AQR: variants seen among roughly 807,000 people sequenced by gnomAD.
AQR encodes RNA helicase aquarius.
In AQR, 61 loss-of-function variants were observed where a neutral mutation model predicts 180.5. The observed-to-expected ratio is 0.34, with a 90% CI of 0.28 to 0.42. The LOEUF (loss-of-function observed/expected upper bound fraction) is 0.42, where lower values mean the gene tolerates loss of function less well. Among genes scored for constraint, AQR ranks in the 10% least tolerant of loss-of-function variants. The pLI is 1.00. For synonymous variants in AQR, 551 were observed against 588.8 expected (o/e 0.94, Z 0.93); for missense variants, 1,281 against 1,798.3 (o/e 0.71, Z 5.20).
At chr15:34,871,338 C>G (rs1892813596) in intron 30 of AQR, among the ~76,000 whole-genome samples, 1 of 151,936 alleles carries the variant, frequency 6.6e-6, no homozygotes, top group Admixed American at 6.6e-5. Context: ...GAAACCCTGT[C>G]TCTACTAAAA....
intron 26 of AQR, among the ~76,000 whole-genome samples, chr15:34,883,371 T>C (rs1329573498): frequency 3.3e-5 from 5 of 152,206 alleles, no homozygotes; most frequent in Non-Finnish European, 7.3e-5. Flanking sequence ...ATTTGTTTTT[T>C]AAATAATTAA....
intron 30 of AQR, among the ~76,000 whole-genome samples, chr15:34,871,618 A>G (rs1489518351): frequency 1.3e-5 from 2 of 152,184 alleles, no homozygotes; most frequent in East Asian, 3.8e-4. Context: ...CCAGTTTAAT[A>G]GCAAATACAC....
chr15:34,931,930 C>A (rs571994502), intron 11 of AQR, among the ~76,000 whole-genome samples: 4 of 152,336 alleles, frequency 2.6e-5, no homozygotes, highest in Non-Finnish European at 5.9e-5. Flanking sequence ...TTGCAGCTTC[C>A]TTATTCAAGG....
In AQR at chr15:34,855,203, T is replaced by A. The variant is rs1892572539; in HGVS notation, c.*1589A>T. The A allele has an allele frequency of 6.6e-6, 1 of 152,270 alleles. No homozygotes were observed. Among genetic ancestry groups the A allele is most frequent in the Non-Finnish European group, 1.5e-5 (1 of 68,052 alleles). The allele number at this position is 152,270 out of a possible 1,614,324, so 9.4% of individuals were successfully genotyped here. A position where few individuals can be genotyped will look rare whatever the true frequency, so the allele number is the denominator to read the frequency against. On this transcript the variant is annotated 3_prime_UTR_variant, in exon 35 of 35. Transcript: ENST00000156471. ...TAGGATACATCATAAAATGAGAGTC[T>A]GTACCATATTCAACACAGCCTGGTA... is the stretch of plus-strand genomic sequence containing the variant.
chr15:34,906,815 A>G lies in AQR; in HGVS notation c.1664-103T>C, dbSNP rs964734552. ...TCTCTACCTCTTATCTTTGGTAGAG[A>G]GATACCGTTGAGTGACCAATGATTA... On this transcript the variant is annotated intron_variant, in intron 17 of 34. Transcript: ENST00000156471. 8 of 1,142,708 alleles carry G rather than the reference A, an allele frequency of 7.0e-6. No homozygotes were observed. The African/African-American group carries it at 1.3e-4, about 18-fold the overall frequency. 70.8% of individuals were successfully genotyped at this position (1,142,708 alleles called of 1,614,324 possible).
intron 14 of AQR, among the ~76,000 whole-genome samples, chr15:34,919,808 GA>G (rs1166838892): frequency 6.6e-6 from 1 of 152,048 alleles, no homozygotes; most frequent in Admixed American, 6.6e-5. Context: ...TGAGGCACGA[GA>G]ATCACTTGAA....
intron 27 of AQR, among the ~76,000 whole-genome samples, chr15:34,876,563 C>T (rs1246875019): frequency 6.6e-6 from 1 of 152,064 alleles, no homozygotes; most frequent in Non-Finnish European, 1.5e-5. Context: ...TCTAAAAATC[C>T]AAGCCACCAC....
Position 34,915,121 on chromosome 15 carries a change from T to C in AQR, c.1401A>G (p.Leu467=), listed in dbSNP as rs1185919296. ...LQFLTLHDYL[L]RNFNLFRLES... ...CTAAGCGGAAGAGGTTAAAGTTCCT[T>C]AGCAGGTAGTCATGAAGAGTCAAAA... is the stretch of plus-strand genomic sequence containing the variant. The change falls in exon 16 of 35, where the codon CTA becomes CTG. Residue 467 remains leucine, a synonymous_variant. Coordinates refer to ENST00000156471, the MANE Select transcript of AQR (RefSeq NM_014691.3). The C allele has an allele frequency of 6.2e-7, 1 of 1,613,206 alleles. No homozygotes were observed. Among genetic ancestry groups the C allele is most frequent in the African/African-American group, 1.3e-5 (1 of 74,860 alleles).
At chr15:34,890,189 A>G in intron 24 of AQR, 26 bp downstream of exon 24, 2 of 1,553,098 alleles carry the variant, frequency 1.3e-6, no homozygotes, top group African/African-American at 1.4e-5. Context: ...CCTTTTTTAC[A>G]CTGTTACTCA....
At position 34,893,584 on chromosome 15, in the gene AQR, T is replaced by C. The variant is rs1266637010; in HGVS notation, c.2571+79A>G. The C allele has an allele frequency of 1.8e-5, 22 of 1,255,452 alleles. No homozygotes were observed. In the African/African-American group the frequency reaches 2.8e-4, roughly 16 times the overall value. The allele number at this position is 1,255,452 out of a possible 1,614,324, so 77.8% of individuals were successfully genotyped here. On this transcript the variant is annotated intron_variant, in intron 23 of 34. Transcript: ENST00000156471. ...CCTCCCCCTCAACCCCTAACCTGCA[T>C]ACCCATGTGCATGCGCATGCGTGCA...
chr15:34,929,528 G>T (rs1358703486), intron 12 of AQR, among the ~76,000 whole-genome samples: 1 of 152,138 alleles, frequency 6.6e-6, no homozygotes, highest in Admixed American at 6.5e-5. Flanking sequence ...TGACGTCTCT[G>T]TTCTGCTCCA....
At chr15:34,964,468 A>T (rs1464352897) in intron 1 of AQR, 178 bp from the exon 2 acceptor site, 1 of 694,130 alleles carries the variant, frequency 1.4e-6, no homozygotes, top group African/African-American at 1.8e-5. Context: ...ACCCCAAACC[A>T]CTAAATGCCA....
intron 17 of AQR, among the ~76,000 whole-genome samples, chr15:34,908,430 C>G (rs987615376): frequency 1.3e-5 from 2 of 150,866 alleles, no homozygotes; most frequent in African/African-American, 4.9e-5. Context: ...AGTGAGACTC[C>G]GTCTAAAAAA....
chr15:34,908,920 A>T (rs1328293415), intron 17 of AQR, among the ~76,000 whole-genome samples: 1 of 152,244 alleles, frequency 6.6e-6, no homozygotes. Flanking sequence ...AATAAATATG[A>T]GACCTTCTCC....
At chr15:34,893,607 G>GCACGCGCA (rs1555423808) in intron 23 of AQR, 56 bp downstream of exon 23, 99 of 999,544 alleles carry the variant, frequency 9.9e-5, no homozygotes, top group African/African-American at 7.6e-4. Flanking sequence ...GCGCATGCGT[G>GCACGCGCA]CACACACACA....
chr15:34,912,579 T>C (rs1367569468), intron 16 of AQR, among the ~76,000 whole-genome samples: 2 of 151,854 alleles, frequency 1.3e-5, no homozygotes, highest in African/African-American at 4.8e-5. Context: ...ACAAAGAATA[T>C]CTATGTAAAA....
chr15:34,917,051 C>T (rs979271321), intron 15 of AQR, among the ~76,000 whole-genome samples: 10 of 152,120 alleles, frequency 6.6e-5, no homozygotes, highest in Non-Finnish European at 1.5e-4. Context: ...CCGAAAGTAA[C>T]TATTTTCTGA....
chr15:34,858,309 C>A, intron 34 of AQR, among the ~76,000 whole-genome samples: 1 of 108,528 alleles, frequency 9.2e-6, no homozygotes, highest in Admixed American at 1.2e-4. Context: ...AAGTACCGTG[C>A]ACGACAGCAG....
chr15:34,853,054 G>A lies in AQR; in HGVS notation c.*3738C>T, dbSNP rs1365322514. 6.6e-6 allele frequency: 1 copy of A among 152,142 alleles called. No homozygotes were observed. The highest frequency in any genetic ancestry group is 1.5e-5 in the Non-Finnish European group (1 of 68,030). 9.4% of individuals were successfully genotyped at this position (152,142 alleles called of 1,614,324 possible). A position where few individuals can be genotyped will look rare whatever the true frequency, so the allele number is the denominator to read the frequency against. On this transcript the variant is annotated 3_prime_UTR_variant, in exon 35 of 35. Transcript: ENST00000156471. ...TTTAAATTAAATCCTTGTAACTGAA[G>A]AGTATCGGTGGATGAAGAAAAAATA...
Sources: gnomAD v4.1 joint callset for allele counts (sites outside exome capture counted in the v4.1 genomes callset) on GRCh38, gnomAD v4.1.1 for gene constraint, MANE v1.5 for transcripts, NCBI Gene and HGNC (gene_info 2026-07-23, HGNC 2026-07-21) for gene names.